CCR3: variants seen among roughly 807,000 people sequenced by gnomAD.
CCR3 encodes the protein C-C motif chemokine receptor 3.
For synonymous variants in CCR3, 203 were observed against 179.2 expected (o/e 1.13, Z -1.06); for missense variants, 419 against 437.5 (o/e 0.96, Z 0.38).
chr3:46,235,718 C>T (rs1700017076), intron 2 of CCR3, among the ~76,000 whole-genome samples: 2 of 152,190 alleles, frequency 1.3e-5, no homozygotes, highest in Admixed American at 1.3e-4. Context: ...CAAATAAGGA[C>T]ATAACCAAAC....
In CCR3 at chr3:46,247,232, C is replaced by T. The variant is rs147631830; in HGVS notation, c.-12+4694C>T. Among the ~76,000 whole-genome samples, 987 of 152,074 alleles carry T rather than the reference C, an allele frequency of 6.5e-3. 12 individuals are homozygous for T. Among genetic ancestry groups the T allele is most frequent in the African/African-American group, 0.022 (926 of 41,454 alleles). On this transcript the variant is annotated intron_variant, in intron 1 of 1. Transcript: ENST00000395940. ...ACTGGCAGTGTAAACAAGAGCAGGGCATGTATGAGTAGTTGAGAACAGAGA... is the reference window on the plus strand; with the variant it reads ...ACTGGCAGTGTAAACAAGAGCAGGGTATGTATGAGTAGTTGAGAACAGAGA...
At chr3:46,228,872 T>C (rs1265068971) in intron 2 of CCR3, among the ~76,000 whole-genome samples, 1 of 152,260 alleles carries the variant, frequency 6.6e-6, no homozygotes, top group African/African-American at 2.4e-5. Flanking sequence ...TTTCATCTGT[T>C]CTTTCTCATG....
At chr3:46,245,792 C>A (rs893151776) in intron 1 of CCR3, among the ~76,000 whole-genome samples, 2 of 152,130 alleles carry the variant, frequency 1.3e-5, no homozygotes, top group Non-Finnish European at 2.9e-5. Context: ...ACTTATAAGT[C>A]AGAACATGTC....
chr3:46,231,861 G>T (rs1250662495), intron 2 of CCR3, among the ~76,000 whole-genome samples: 2 of 152,014 alleles, frequency 1.3e-5, no homozygotes, highest in Admixed American at 6.6e-5. Flanking sequence ...AAGATCTATT[G>T]ATCTATCCCA....
chr3:46,214,935 G>T (rs894983420), intron 2 of CCR3, among the ~76,000 whole-genome samples: 1 of 152,154 alleles, frequency 6.6e-6, no homozygotes, highest in African/African-American at 2.4e-5. Flanking sequence ...TTCTGGGGTG[G>T]TTCCTGCTGG....
chr3:46,246,988 T>C (rs1451721243), intron 1 of CCR3, among the ~76,000 whole-genome samples: 2 of 152,034 alleles, frequency 1.3e-5, no homozygotes, highest in Non-Finnish European at 2.9e-5. Flanking sequence ...GATATGGTTT[T>C]GTATGAATTG....
At chr3:46,259,543 A>T (rs939958797) in intron 1 of CCR3, among the ~76,000 whole-genome samples, 3 of 152,190 alleles carry the variant, frequency 2.0e-5, no homozygotes, top group Admixed American at 6.6e-5. Flanking sequence ...TATCTATACA[A>T]ATATAACATA....
chr3:46,264,087 C>T, intron 1 of CCR3: 1 of 306,074 alleles, frequency 3.3e-6, no homozygotes, highest in Non-Finnish European at 6.1e-6. Flanking sequence ...TTCTATTTTC[C>T]TCCTTTTCCA....
chr3:46,212,496 C>G (rs988594939), intron 2 of CCR3, among the ~76,000 whole-genome samples: 2 of 144,036 alleles, frequency 1.4e-5, no homozygotes, highest in Non-Finnish European at 3.0e-5. Context: ...CCACACTCCT[C>G]TTGTCTTGTC....
chr3:46,213,782 C>T (rs185018724), intron 2 of CCR3, among the ~76,000 whole-genome samples: 1 of 152,234 alleles, frequency 6.6e-6, no homozygotes, highest in South Asian at 2.1e-4. Flanking sequence ...AGCACCTCAA[C>T]TCCAACAGTT....
At chr3:46,254,501 A>G (rs1238254520) in intron 1 of CCR3, among the ~76,000 whole-genome samples, 1 of 151,340 alleles carries the variant, frequency 6.6e-6, no homozygotes, top group Non-Finnish European at 1.5e-5. Flanking sequence ...AAAAAAAATC[A>G]ATAGGTTTTA....
chr3:46,212,063 C>T (rs772042322), intron 2 of CCR3, among the ~76,000 whole-genome samples: 47 of 152,158 alleles, frequency 3.1e-4, no homozygotes, highest in Admixed American at 9.2e-4. Flanking sequence ...CACACATCAT[C>T]CATGGCATCC....
At chr3:46,232,587 G>A (rs1406201025) in intron 2 of CCR3, among the ~76,000 whole-genome samples, 1 of 152,192 alleles carries the variant, frequency 6.6e-6, no homozygotes, top group Non-Finnish European at 1.5e-5. Context: ...AGCCTGCAGA[G>A]GGGTCTTAGG....
rs1160516584 is a variant in CCR3 at position 46,265,217 on chromosome 3, T to C, written c.59T>C (p.Val20Ala). The C allele has an allele frequency of 6.2e-7, 1 of 1,614,082 alleles. No homozygotes were observed. ...GGTACCACATCCTACTATGATGACG[T>C]GGGCCTGCTCTGTGAAAAAGCTGAT... ...TFGTTSYYDD[V>A]GLLCEKADTR... The change falls in exon 2 of 2, where the codon GTG (valine) becomes GCG (alanine). Residue 20 changes from valine (V) to alanine (A), a missense_variant. Val to Ala is a moderately conservative substitution (Grantham distance 64, BLOSUM62 0). Coordinates refer to ENST00000395940, the MANE Select transcript of CCR3 (RefSeq NM_178329.3).
intron 1 of CCR3, among the ~76,000 whole-genome samples, chr3:46,256,690 AT>A (rs1461313710): frequency 2.0e-5 from 3 of 152,192 alleles, no homozygotes; most frequent in African/African-American, 7.2e-5. Flanking sequence ...TCATAAATAA[AT>A]TGCGTAAAAA....
rs1023157795 is a variant in CCR3, at chr3:46,265,985, G to A, written c.827G>A (p.Ser276Asn). 9.3e-6 allele frequency: 15 copies of A among 1,614,070 alleles called. No individual in the cohort carries two copies. In the South Asian group the frequency reaches 1.6e-4, roughly 18 times the overall value. ...SILFGNDCERSKHLDLVMLVT... is the reference protein window; with the variant it reads ...SILFGNDCERNKHLDLVMLVT... ...TTATTTGGAAATGACTGTGAGCGGA[G>A]CAAGCATCTGGACCTGGTCATGCTG... Residue 276 changes from serine to asparagine, a missense_variant, in exon 2 of 2, where the codon AGC (serine) becomes AAC (asparagine). By Grantham distance (46) the Ser-to-Asn change is conservative (BLOSUM62 1). Coordinates refer to ENST00000395940, the MANE Select transcript of CCR3 (RefSeq NM_178329.3).
At chr3:46,215,725 G>T (rs1313133604) in intron 2 of CCR3, among the ~76,000 whole-genome samples, 1 of 152,198 alleles carries the variant, frequency 6.6e-6, no homozygotes, top group African/African-American at 2.4e-5. Context: ...GTTTACCCTG[G>T]GGCTAGAGAA....
Position 46,266,119 on chromosome 3 carries a change from C to G in CCR3, c.961C>G (p.Leu321Val), listed in dbSNP as rs921182012. 1 of 1,613,940 alleles carries G rather than the reference C, an allele frequency of 6.2e-7. No individual in the cohort carries two copies. Among genetic ancestry groups the G allele is most frequent in the East Asian group, 2.2e-5 (1 of 44,884 alleles). ...YLRHFFHRHL[L>V]MHLGRYIPFL... ...GCGCCACTTCTTCCACAGGCACTTG[C>G]TCATGCACCTGGGCAGATACATCCC... The change falls in exon 2 of 2, where the codon CTC (leucine) becomes GTC (valine). Residue 321 changes from leucine to valine, a missense_variant. Leu to Val is a conservative substitution (Grantham distance 32). Coordinates refer to ENST00000395940, the MANE Select transcript of CCR3 (RefSeq NM_178329.3).
chr3:46,250,140 AG>A (rs1700277551), intron 1 of CCR3, among the ~76,000 whole-genome samples: 4 of 152,086 alleles, frequency 2.6e-5, no homozygotes, highest in Admixed American at 1.3e-4. Context: ...TTTGGGATAA[AG>A]AAAAAGGAGC....
Sources: allele counts gnomAD v4.1 joint callset (sites outside exome capture counted in the v4.1 genomes callset), GRCh38; gene constraint gnomAD v4.1.1; transcripts MANE v1.5; gene names NCBI Gene and HGNC (gene_info 2026-07-23, HGNC 2026-07-21).